ACYP2: variants seen among roughly 807,000 people sequenced by gnomAD.
ACYP2 encodes the protein acylphosphatase-2.
ACYP2 carries 12 observed loss-of-function variants against 11.2 expected under a neutral mutation model. The ratio of observed to expected loss-of-function variants is 1.08; its 90% CI spans 0.69 to 1.74. The LOEUF is 1.74. Ranked by LOEUF, ACYP2 falls within the 40% of genes most tolerant of loss-of-function variation. ACYP2 has a pLI of 0.00. For missense variants in ACYP2, 134 were observed against 101.9 expected (o/e 1.31, Z -1.35); for synonymous variants, 43 against 32.2 (o/e 1.33, Z -1.13).
At chr2:54,116,230 T>G (rs966304878) in intron 4 of ACYP2, among the ~76,000 whole-genome samples, 1 of 152,092 alleles carries the variant, frequency 6.6e-6, no homozygotes, top group Non-Finnish European at 1.5e-5. Flanking sequence ...AAGAATGAAA[T>G]TGTTATCTAA....
intron 4 of ACYP2, among the ~76,000 whole-genome samples, chr2:54,118,320 G>A (rs1007758450): frequency 6.6e-6 from 1 of 152,194 alleles, no homozygotes; most frequent in African/African-American, 2.4e-5. Flanking sequence ...TGACAGAATG[G>A]TCCACTAGAG....
At chr2:53,994,230 T>C (rs1378200257) in intron 2 of ACYP2, among the ~76,000 whole-genome samples, 2 of 144,272 alleles carry the variant, frequency 1.4e-5, no homozygotes, top group Non-Finnish European at 3.0e-5. Flanking sequence ...CTCGGAAGGC[T>C]GAGGCAGGAG....
chr2:54,157,087 C>A lies in ACYP2; in HGVS notation c.404+18339C>A, dbSNP rs572831168. Among the ~76,000 whole-genome samples, 4 of 152,140 alleles carry A rather than the reference C, an allele frequency of 2.6e-5. No homozygotes were observed. The South Asian group carries it at 8.3e-4, about 31-fold the overall frequency. ...ATGTGATTTAAAAAAAAAATTTACA[C>A]AAGATTTACATGGTTGTCCTAAAAT... On this transcript the variant is annotated intron_variant, in intron 6 of 6. Coordinates refer to ENST00000607452, the MANE Select transcript of ACYP2 (RefSeq NM_001320586.2).
chr2:54,002,430 C>A (rs758457883), intron 2 of ACYP2, among the ~76,000 whole-genome samples: 2 of 150,428 alleles, frequency 1.3e-5, no homozygotes, highest in Non-Finnish European at 3.0e-5. Context: ...ACTGCAACCT[C>A]CACTTCTTGG....
intron 4 of ACYP2, among the ~76,000 whole-genome samples, chr2:54,078,299 G>T (rs1389596187): frequency 6.6e-6 from 1 of 151,446 alleles, no homozygotes; most frequent in African/African-American, 2.4e-5. Context: ...GCTGATGCTA[G>T]GAAGATGCTA....
At chr2:54,257,391 T>C (rs972850086) in intron 6 of ACYP2, among the ~76,000 whole-genome samples, 2 of 152,254 alleles carry the variant, frequency 1.3e-5, no homozygotes, top group African/African-American at 4.8e-5. Flanking sequence ...CATAGGTTTT[T>C]AAATGTTTCT....
intron 6 of ACYP2, among the ~76,000 whole-genome samples, chr2:54,275,095 A>T (rs749160518): frequency 1.3e-5 from 2 of 152,242 alleles, no homozygotes; most frequent in Admixed American, 6.5e-5. Context: ...TCCTTGCCTC[A>T]ATAACTTTGG....
intron 2 of ACYP2, among the ~76,000 whole-genome samples, chr2:53,993,518 C>A (rs968604571): frequency 6.6e-6 from 1 of 151,148 alleles, no homozygotes; most frequent in Admixed American, 6.6e-5. Context: ...GCCAACGTGG[C>A]GAAACCCCAT....
intron 6 of ACYP2, among the ~76,000 whole-genome samples, chr2:54,253,017 A>G (rs1462496237): frequency 4.6e-5 from 7 of 152,232 alleles, no homozygotes; most frequent in Non-Finnish European, 7.3e-5. Context: ...GTTCAAGACC[A>G]GCCTGGCCAA....
chr2:54,219,300 C>T (rs745585181), intron 6 of ACYP2, among the ~76,000 whole-genome samples: 1 of 152,026 alleles, frequency 6.6e-6, no homozygotes, highest in Non-Finnish European at 1.5e-5. Flanking sequence ...AAGTGAGAAG[C>T]ACTTTTTTTT....
chr2:54,130,267 G>A (rs183582429), intron 4 of ACYP2, among the ~76,000 whole-genome samples: 2 of 152,166 alleles, frequency 1.3e-5, no homozygotes, highest in African/African-American at 4.8e-5. Context: ...GAGAATATCA[G>A]GGGGAAGAGG....
chr2:54,144,328 A>G (rs895863835), intron 6 of ACYP2, among the ~76,000 whole-genome samples: 6 of 152,092 alleles, frequency 3.9e-5, no homozygotes, highest in Non-Finnish European at 7.4e-5. Flanking sequence ...TTATTTTGCT[A>G]GGAAATTATC....
chr2:54,229,260 A>G (rs936273682), intron 6 of ACYP2, among the ~76,000 whole-genome samples: 1 of 152,192 alleles, frequency 6.6e-6, no homozygotes, highest in African/African-American at 2.4e-5. Flanking sequence ...GAACAGGGAG[A>G]TGAAGTTTCA....
At chr2:54,259,519 C>G (rs1464665387) in intron 6 of ACYP2, among the ~76,000 whole-genome samples, 8 of 152,010 alleles carry the variant, frequency 5.3e-5, no homozygotes. Flanking sequence ...TGCTTGAAGC[C>G]AAATGTGTAA....
intron 4 of ACYP2, among the ~76,000 whole-genome samples, chr2:54,092,270 G>C (rs1414859840): frequency 1.3e-5 from 2 of 152,188 alleles, no homozygotes; most frequent in Non-Finnish European, 2.9e-5. Context: ...GGGAAGAATA[G>C]GGACAGGAAC....
At chr2:54,177,493 C>T (rs1304483670) in intron 6 of ACYP2, among the ~76,000 whole-genome samples, 1 of 152,082 alleles carries the variant, frequency 6.6e-6, no homozygotes, top group African/African-American at 2.4e-5. Context: ...TCCTTGCCCA[C>T]ACCTTGCAAT....
intron 6 of ACYP2, among the ~76,000 whole-genome samples, chr2:54,149,938 GT>G (rs1465620548): frequency 6.6e-6 from 1 of 152,170 alleles, no homozygotes; most frequent in Non-Finnish European, 1.5e-5. Context: ...ATAGGAAAGG[GT>G]AAATGTTCTC....
At chr2:54,104,883 A>C (rs1679074862) in intron 4 of ACYP2, among the ~76,000 whole-genome samples, 1 of 152,186 alleles carries the variant, frequency 6.6e-6, no homozygotes, top group South Asian at 2.1e-4. Context: ...AGGGGATTGC[A>C]CAAAAAGTGG....
chr2:54,122,307 A>T (rs865899440), intron 4 of ACYP2, among the ~76,000 whole-genome samples: 1 of 152,234 alleles, frequency 6.6e-6, no homozygotes, highest in African/African-American at 2.4e-5. Context: ...CTTTGCAAAC[A>T]TTCCTCTCAG....
Sources: gnomAD v4.1 joint callset for allele counts (sites outside exome capture counted in the v4.1 genomes callset) on GRCh38, gnomAD v4.1.1 for gene constraint, MANE v1.5 for transcripts, NCBI Gene and HGNC (gene_info 2026-07-23, HGNC 2026-07-21) for gene names.